The following NPAS3 variants were observed in gnomAD, a reference collection of about 807,000 sequenced individuals.
NPAS3 encodes the protein neuronal PAS domain-containing protein 3.
A neutral mutation model predicts 73.1 loss-of-function variants in NPAS3; 14 were observed. The observed-to-expected ratio is 0.19, with a 90% CI of 0.13 to 0.30. The LOEUF (loss-of-function observed/expected upper bound fraction) is 0.30. Among genes scored for constraint, NPAS3 ranks in the 10% least tolerant of loss-of-function variants. NPAS3 has a pLI of 1.00. For synonymous variants in NPAS3, 620 were observed against 541.5 expected (o/e 1.14, Z -2.01); for missense variants, 1,096 against 1,250.0 (o/e 0.88, Z 1.86).
intron 2 of NPAS3, among the ~76,000 whole-genome samples, chr14:33,125,044 A>T (rs1358631638): frequency 6.6e-6 from 1 of 152,090 alleles, no homozygotes; most frequent in Admixed American, 6.6e-5. Context: ...TACTTAAAGG[A>T]TGGAGAAAAA....
intron 3 of NPAS3, among the ~76,000 whole-genome samples, chr14:33,244,726 C>T (rs2048321980): frequency 6.6e-6 from 1 of 152,054 alleles, no homozygotes; most frequent in Admixed American, 6.6e-5. Flanking sequence ...TACCACTTTA[C>T]CAGAGCCTTT....
chr14:33,351,161 G>A (rs1038346309), intron 3 of NPAS3, among the ~76,000 whole-genome samples: 2 of 152,160 alleles, frequency 1.3e-5, no homozygotes, highest in Non-Finnish European at 2.9e-5. Context: ...AGCTCTTACA[G>A]GTGTAAACAC....
intron 1 of NPAS3, among the ~76,000 whole-genome samples, chr14:32,965,940 GAAATC>G (rs2037135609): frequency 6.6e-6 from 1 of 151,898 alleles, no homozygotes; most frequent in African/African-American, 2.4e-5. Flanking sequence ...GAAAAAGAAA[GAAATC>G]AATCACGTTT....
chr14:33,508,505 C>T (rs1452392959), intron 4 of NPAS3, among the ~76,000 whole-genome samples: 1 of 151,996 alleles, frequency 6.6e-6, no homozygotes, highest in Non-Finnish European at 1.5e-5. Flanking sequence ...CAAAAGACTC[C>T]AGAAAGTAAC....
chr14:33,698,187 G>A (rs2060437840), intron 6 of NPAS3, among the ~76,000 whole-genome samples: 1 of 152,170 alleles, frequency 6.6e-6, no homozygotes, highest in Admixed American at 6.6e-5. Flanking sequence ...ACAGGGCTAG[G>A]AAAGATAACT....
chr14:33,095,028 A>C (rs1434839960), intron 2 of NPAS3, among the ~76,000 whole-genome samples: 1 of 152,220 alleles, frequency 6.6e-6, no homozygotes, highest in Non-Finnish European at 1.5e-5. Flanking sequence ...TACCATTTTT[A>C]TTTCAAGTTG....
At chr14:33,600,618 C>T (rs914252014) in intron 5 of NPAS3, among the ~76,000 whole-genome samples, 6 of 152,170 alleles carry the variant, frequency 3.9e-5, no homozygotes, top group Admixed American at 6.5e-5. Context: ...GTTTAATTGG[C>T]TTGCCCATAG....
intron 3 of NPAS3, among the ~76,000 whole-genome samples, chr14:33,338,513 A>G (rs2044329835): frequency 6.6e-6 from 1 of 152,060 alleles, no homozygotes; most frequent in African/African-American, 2.4e-5. Flanking sequence ...TTCTTTTTCC[A>G]AGGAAGAAAT....
intron 1 of NPAS3, among the ~76,000 whole-genome samples, chr14:33,021,562 A>T (rs1157500713): frequency 1.3e-5 from 2 of 152,088 alleles, no homozygotes; most frequent in African/African-American, 4.8e-5. Context: ...TTCACATAAA[A>T]ATGCCCTTCA....
At position 33,008,018 on chromosome 14, in the gene NPAS3, GA is replaced by G. The variant is rs371821734; in HGVS notation, c.51-47880del. On this transcript the variant is annotated intron_variant, in intron 1 of 11. Transcript: ENST00000356141. ...AAATTTATTCCAGTTAAAGAAGAAA[GA>G]AAAAAATATCCTGTATCATATTGTT... Among the ~76,000 whole-genome samples the G allele has an allele frequency of 9.5e-4, 144 of 152,048 alleles. No homozygotes were observed. The East Asian group carries it at 0.018, about 19-fold the overall frequency.
intron 4 of NPAS3, among the ~76,000 whole-genome samples, chr14:33,438,749 T>C (rs1339825791): frequency 6.6e-6 from 1 of 152,206 alleles, no homozygotes; most frequent in Non-Finnish European, 1.5e-5. Flanking sequence ...CCATCAATTT[T>C]ACCTTTAAGA....
At chr14:33,636,912 C>T (rs1873612163) in intron 5 of NPAS3, among the ~76,000 whole-genome samples, 1 of 152,084 alleles carries the variant, frequency 6.6e-6, no homozygotes, top group African/African-American at 2.4e-5. Context: ...TGCACACACA[C>T]ACACACACAC....
At chr14:32,938,485 T>TAGAGAGAGAGAG (rs1491191135), upstream of NPAS3, among the ~76,000 whole-genome samples, 401 of 21,716 alleles carry the variant, frequency 0.018, 35 homozygotes, top group South Asian at 0.032. Flanking sequence ...GAGAGAGAAA[T>TAGAGAGAGAGAG]TGAGAGAGAG....
chr14:32,943,693 CT>C (rs11331212), intron 1 of NPAS3, among the ~76,000 whole-genome samples: 79,883 of 121,934 alleles, frequency 0.66, 26,449 homozygotes, highest in Middle Eastern at 0.78. Flanking sequence ...TTTTCTTTTT[CT>C]TTTTTTTTTT....
chr14:33,554,836 A>C lies in NPAS3; in HGVS notation c.469-5285A>C, dbSNP rs1454578399. Among the ~76,000 whole-genome samples, 3 of 152,238 alleles carry C rather than the reference A, an allele frequency of 2.0e-5. No individual in the cohort carries two copies. The East Asian group carries it at 5.8e-4, about 29-fold the overall frequency. On this transcript the variant is annotated intron_variant, in intron 4 of 11. Coordinates refer to ENST00000356141, the Ensembl canonical transcript of NPAS3. ...AATATAAATCCATTTAGCACAATGC[A>C]TTAAACATTAGTATACCTTCAGTCA... is the stretch of plus-strand genomic sequence containing the variant.
chr14:33,222,737 A>G (rs1008186314), intron 3 of NPAS3, among the ~76,000 whole-genome samples: 2 of 152,200 alleles, frequency 1.3e-5, no homozygotes, highest in African/African-American at 4.8e-5. Flanking sequence ...AATTGTGTAG[A>G]ATTGAATTAT....
intron 2 of NPAS3, among the ~76,000 whole-genome samples, chr14:33,184,531 C>A (rs1057105057): frequency 6.6e-6 from 1 of 152,112 alleles, no homozygotes; most frequent in Admixed American, 6.5e-5. Flanking sequence ...GTAGACAGAT[C>A]TCTCTGATTA....
intron 5 of NPAS3, among the ~76,000 whole-genome samples, chr14:33,648,128 G>A (rs1039259258): frequency 2.0e-5 from 3 of 152,274 alleles, no homozygotes; most frequent in Admixed American, 2.0e-4. Flanking sequence ...GGAACAGATC[G>A]AGACTAGCAG....
intron 3 of NPAS3, among the ~76,000 whole-genome samples, chr14:33,352,416 G>T (rs4982081): frequency 0.59 from 89,253 of 151,988 alleles, 26,593 homozygotes; most frequent in African/African-American, 0.65. Flanking sequence ...GAATGAAAAT[G>T]TATTGTTTTC....
Sources: allele counts gnomAD v4.1 joint callset (sites outside exome capture counted in the v4.1 genomes callset), GRCh38; gene constraint gnomAD v4.1.1; transcripts MANE v1.5; gene names NCBI Gene and HGNC (gene_info 2026-07-23, HGNC 2026-07-21).